The following CACNA2D1 variants were observed in gnomAD, a reference collection of about 807,000 sequenced individuals.
The protein encoded by CACNA2D1 is calcium voltage-gated channel auxiliary subunit alpha2delta 1.
A neutral mutation model predicts 171.5 loss-of-function variants in CACNA2D1; 53 were observed. That is an observed-to-expected ratio of 0.31 (90% CI 0.25 to 0.39). CACNA2D1 has a LOEUF of 0.39. Among genes scored for constraint, CACNA2D1 ranks in the 10% least tolerant of loss-of-function variants. The pLI is 1.00. For missense variants in CACNA2D1, 903 were observed against 1,299.8 expected (o/e 0.69, Z 4.69); for synonymous variants, 442 against 443.1 (o/e 1.00, Z 0.03).
At chr7:82,000,770 T>C (rs1300966230) in intron 18 of CACNA2D1, among the ~76,000 whole-genome samples, 1 of 111,034 alleles carries the variant, frequency 9.0e-6, no homozygotes, top group African/African-American at 3.6e-5. Flanking sequence ...AATTTTTCTT[T>C]CTTTTTTTTT....
chr7:82,428,562 G>GA (rs1186439858), intron 1 of CACNA2D1, among the ~76,000 whole-genome samples: 1 of 152,052 alleles, frequency 6.6e-6, no homozygotes, highest in Non-Finnish European at 1.5e-5. Context: ...GAGTAGATTA[G>GA]AAAATCAAGA....
At chr7:82,320,845 CAGT>C (rs1815725392) in intron 3 of CACNA2D1, among the ~76,000 whole-genome samples, 1 of 145,844 alleles carries the variant, frequency 6.9e-6, no homozygotes, top group South Asian at 2.2e-4. Flanking sequence ...AATAAACTAT[CAGT>C]AGGAGATAGC....
intron 34 of CACNA2D1, among the ~76,000 whole-genome samples, chr7:81,963,334 TAAC>T (rs1383014873): frequency 6.6e-6 from 1 of 151,804 alleles, no homozygotes; most frequent in Non-Finnish European, 1.5e-5. Context: ...GGAATAGGGC[TAAC>T]AATACAGTGT....
intron 6 of CACNA2D1, 136 bp from the exon 7 acceptor site, chr7:82,085,036 C>A: frequency 1.3e-6 from 1 of 791,674 alleles, no homozygotes; most frequent in Non-Finnish European, 2.1e-6. Flanking sequence ...TAGTTATCAA[C>A]AAGTTTTCGA....
chr7:81,988,785 G>A (rs1371394413), intron 21 of CACNA2D1, among the ~76,000 whole-genome samples: 1 of 152,180 alleles, frequency 6.6e-6, no homozygotes, highest in Non-Finnish European at 1.5e-5. Context: ...CCAACTATGT[G>A]CCACTGTCAT....
At position 82,411,895 on chromosome 7, in the gene CACNA2D1, T is replaced by TCTCACACACACACACACA. The variant is rs1554548045; in HGVS notation, c.95+31469_95+31470insTGTGTGTGTGTGTGTGAG. Among the ~76,000 whole-genome samples, 230 of 144,880 alleles carry TCTCACACACACACACACA rather than the reference T, an allele frequency of 1.6e-3. 1 individual carries two copies. In the East Asian group the frequency reaches 0.018, roughly 11 times the overall value. On this transcript the variant is annotated intron_variant, in intron 1 of 38. Coordinates refer to ENST00000356860, the MANE Select transcript of CACNA2D1 (RefSeq NM_000722.4). ...CCTCAAGCCAAACGAAAACTAAATC[T>TCTCACACACACACACACA]CACACACACACACACACACACACAC...
At chr7:81,982,110 G>C (rs1796500077) in intron 24 of CACNA2D1, among the ~76,000 whole-genome samples, 1 of 152,044 alleles carries the variant, frequency 6.6e-6, no homozygotes, top group South Asian at 2.1e-4. Context: ...GTGTCCCAGA[G>C]TCTACATTGC....
intron 3 of CACNA2D1, among the ~76,000 whole-genome samples, chr7:82,262,348 T>C (rs1468641670): frequency 6.6e-6 from 1 of 151,924 alleles, no homozygotes; most frequent in Non-Finnish European, 1.5e-5. Context: ...AATCCATCCA[T>C]CCATCCATCA....
At chr7:82,275,716 C>T (rs758352819) in intron 3 of CACNA2D1, among the ~76,000 whole-genome samples, 20 of 152,206 alleles carry the variant, frequency 1.3e-4, no homozygotes, top group Non-Finnish European at 2.5e-4. Context: ...AGAGTAGCAG[C>T]GCTCAGATAT....
At chr7:81,978,666 C>T (rs995647503) in intron 24 of CACNA2D1, among the ~76,000 whole-genome samples, 1 of 151,410 alleles carries the variant, frequency 6.6e-6, no homozygotes, top group Non-Finnish European at 1.5e-5. Context: ...GGTGCAGAAA[C>T]CACTACAGTA....
At chr7:81,981,408 G>A (rs37089) in intron 24 of CACNA2D1, among the ~76,000 whole-genome samples, 50,907 of 151,918 alleles carry the variant, frequency 0.34, 9,175 homozygotes, top group African/African-American at 0.48. Context: ...TCAAGGATAC[G>A]GGCATTCAAA....
At chr7:82,359,899 C>T (rs1343309585) in intron 1 of CACNA2D1, among the ~76,000 whole-genome samples, 2 of 152,136 alleles carry the variant, frequency 1.3e-5, no homozygotes, top group African/African-American at 4.8e-5. Context: ...AGGAACTGTT[C>T]TAAACATGCT....
intron 12 of CACNA2D1, among the ~76,000 whole-genome samples, chr7:82,023,558 G>T (rs1320729978): frequency 6.7e-6 from 1 of 149,526 alleles, no homozygotes; most frequent in Admixed American, 6.6e-5. Context: ...TTAAACAAGA[G>T]GCTTGGGGGA....
chr7:82,383,494 T>A (rs556938542), intron 1 of CACNA2D1, among the ~76,000 whole-genome samples: 1 of 152,260 alleles, frequency 6.6e-6, no homozygotes, highest in African/African-American at 2.4e-5. Context: ...CACAGAAGAA[T>A]GATGTTATTT....
At chr7:82,390,341 AC>A (rs1427424278) in intron 1 of CACNA2D1, among the ~76,000 whole-genome samples, 1 of 152,154 alleles carries the variant, frequency 6.6e-6, no homozygotes, top group African/African-American at 2.4e-5. Flanking sequence ...TATCACATGT[AC>A]CCAAGCAATA....
intron 7 of CACNA2D1, among the ~76,000 whole-genome samples, chr7:82,084,350 T>C (rs1393487483): frequency 6.6e-6 from 1 of 152,204 alleles, no homozygotes; most frequent in Non-Finnish European, 1.5e-5. Flanking sequence ...CAGATCCACG[T>C]CTACTGATTA....
At chr7:82,277,250 T>C (rs148059211) in intron 3 of CACNA2D1, among the ~76,000 whole-genome samples, 1,837 of 152,280 alleles carry the variant, frequency 0.012, 38 homozygotes, top group African/African-American at 0.042. Flanking sequence ...TCGCCCAGGC[T>C]GTAGTGCAGT....
chr7:82,194,122 G>A lies in CACNA2D1; in HGVS notation c.295-23513C>T, dbSNP rs1203156449. Among the ~76,000 whole-genome samples the A allele has an allele frequency of 3.3e-5, 5 of 152,122 alleles. No individual in the cohort carries two copies. In the South Asian group the frequency reaches 1.0e-3, roughly 32 times the overall value. ...ATTAGAGTAAGATTTCAAAGTAGCTGCTAAAAGCTGTGTGTATTTCTACAT... is the reference window on the plus strand; with the variant it reads ...ATTAGAGTAAGATTTCAAAGTAGCTACTAAAAGCTGTGTGTATTTCTACAT... On this transcript the variant is annotated intron_variant, in intron 3 of 38. Coordinates refer to ENST00000356860, the MANE Select transcript of CACNA2D1 (RefSeq NM_000722.4).
intron 3 of CACNA2D1, among the ~76,000 whole-genome samples, chr7:82,221,126 A>G (rs1801713328): frequency 6.6e-6 from 1 of 152,106 alleles, no homozygotes; most frequent in South Asian, 2.1e-4. Flanking sequence ...GGAATCTTAA[A>G]TCCGATCAAT....
Sources: gnomAD v4.1 joint callset for allele counts (sites outside exome capture counted in the v4.1 genomes callset) on GRCh38, gnomAD v4.1.1 for gene constraint, MANE v1.5 for transcripts, NCBI Gene and HGNC (gene_info 2026-07-23, HGNC 2026-07-21) for gene names.